Variants in NMT1 observed in about 807,000 individuals in gnomAD.
NMT1 encodes the protein glycylpeptide N-tetradecanoyltransferase 1.
NMT1 carries 12 observed loss-of-function variants against 63.4 expected under a neutral mutation model. That is an observed-to-expected ratio of 0.19 (90% CI 0.12 to 0.31). NMT1 has a LOEUF of 0.31. NMT1 is among the 10% of genes least tolerant of loss of function. The pLI, the probability that NMT1 is intolerant of heterozygous loss-of-function variation, is 1.00. For missense variants in NMT1, 432 were observed against 634.6 expected, an observed-to-expected ratio of 0.68 and a Z score of 3.43; for synonymous variants, 228 against 234.3, an observed-to-expected ratio of 0.97 and a Z score of 0.25.
chr17:45,101,015 A>G (rs1199889952), intron 8 of NMT1, among the ~76,000 whole-genome samples: 1 of 147,700 alleles, frequency 6.8e-6, no homozygotes, highest in African/African-American at 2.5e-5. Context: ...CCCCGTCTCT[A>G]CTAAAAATAC....
intron 1 of NMT1, among the ~76,000 whole-genome samples, chr17:45,077,188 A>G (rs1370637505): frequency 2.6e-5 from 4 of 152,042 alleles, no homozygotes; most frequent in Admixed American, 2.6e-4. Flanking sequence ...TACCTTTTTG[A>G]TTCTTTCTTT....
intron 1 of NMT1, among the ~76,000 whole-genome samples, chr17:45,069,691 C>T (rs1411274274): frequency 6.6e-6 from 1 of 152,142 alleles, no homozygotes; most frequent in Non-Finnish European, 1.5e-5. Context: ...TTTCTTTCCC[C>T]TGCTGAATTG....
chr17:45,099,616 T>G, intron 8 of NMT1, 103 bp downstream of exon 8: 1 of 814,436 alleles, frequency 1.2e-6, no homozygotes, highest in East Asian at 2.5e-5. Context: ...AGCTTTCTCC[T>G]ACTGGAAAAG....
chr17:45,083,367 GA>G (rs2054029624), intron 2 of NMT1, among the ~76,000 whole-genome samples: 1 of 151,554 alleles, frequency 6.6e-6, no homozygotes, highest in African/African-American at 2.4e-5. Context: ...AACAGCCTCT[GA>G]AACAGTTTAT....
At chr17:45,076,536 G>A (rs1041012296) in intron 1 of NMT1, among the ~76,000 whole-genome samples, 3 of 151,578 alleles carry the variant, frequency 2.0e-5, no homozygotes, top group African/African-American at 7.3e-5. Context: ...AATCACCTGA[G>A]GTCAGGAGTT....
chr17:45,095,239 T>C (rs1353374413), intron 4 of NMT1, among the ~76,000 whole-genome samples: 2 of 152,098 alleles, frequency 1.3e-5, no homozygotes, highest in Non-Finnish European at 2.9e-5. Flanking sequence ...CCCCAGTGGC[T>C]GGGATTACAG....
intron 1 of NMT1, among the ~76,000 whole-genome samples, chr17:45,076,087 A>G (rs1246479621): frequency 6.6e-6 from 1 of 152,108 alleles, no homozygotes; most frequent in African/African-American, 2.4e-5. Flanking sequence ...AAAAACATGA[A>G]TCAAGAAACA....
Position 45,106,925 on chromosome 17 carries a change from A to G in NMT1, c.*1286A>G, listed in dbSNP as rs2054205985. 6.6e-6 allele frequency: 1 copy of G among 152,360 alleles called. No individual in the cohort carries two copies. The highest frequency in any genetic ancestry group is 2.4e-5 in the African/African-American group (1 of 41,452). 9.4% of individuals were successfully genotyped at this position (152,360 alleles called of 1,614,324 possible). A position where few individuals can be genotyped will look rare whatever the true frequency, so the allele number is the denominator to read the frequency against. On this transcript the variant is annotated 3_prime_UTR_variant, in exon 12 of 12. Transcript: ENST00000258960. Reference sequence around the variant, plus strand: ...AAAACGTAATCAAGCCTCTGGTCACATGGCTGTCGATGTAGGCATTCTGGA... The same window carrying G: ...AAAACGTAATCAAGCCTCTGGTCACGTGGCTGTCGATGTAGGCATTCTGGA...
chr17:45,062,047 T>C (rs1449753096), intron 1 of NMT1: 1 of 152,282 alleles, frequency 6.6e-6, no homozygotes, highest in Non-Finnish European at 1.5e-5. Context: ...TCCATAAGTA[T>C]CCTGAACGAT....
chr17:45,093,089 C>A (rs193089397), intron 3 of NMT1, among the ~76,000 whole-genome samples: 2 of 152,192 alleles, frequency 1.3e-5, no homozygotes, highest in African/African-American at 4.8e-5. Context: ...GGTGACTTCC[C>A]GGCAGCACTA....
chr17:45,074,033 G>A (rs1200909920), intron 1 of NMT1, among the ~76,000 whole-genome samples: 4 of 152,020 alleles, frequency 2.6e-5, no homozygotes, highest in Admixed American at 2.0e-4. Flanking sequence ...TTCTCCTGCT[G>A]TTCATCTGCC....
chr17:45,085,277 C>T (rs1198625174), intron 2 of NMT1, among the ~76,000 whole-genome samples: 2 of 152,002 alleles, frequency 1.3e-5, no homozygotes, highest in African/African-American at 2.4e-5. Flanking sequence ...TTCACTGCAA[C>T]ATTGTTGTAT....
chr17:45,105,040 G>A lies in NMT1; in HGVS notation c.1470+44G>A. On this transcript the variant is annotated intron_variant, in intron 11 of 11. Coordinates refer to ENST00000258960, the MANE Select transcript of NMT1 (RefSeq NM_021079.5). The surrounding 1 kb of genome is among the most constrained non-coding windows in gnomAD (Gnocchi z 4.2). ...GAGTCCAGGCTGCCCGGCCCAGGGT[G>A]TCCATGTCTCCAGCAGAAACCGGGC... 6.2e-7 allele frequency: 1 copy of A among 1,611,346 alleles called. No homozygotes were observed. The highest frequency in any genetic ancestry group is 8.5e-7 in the Non-Finnish European group (1 of 1,178,512).
chr17:45,080,718 C>G (rs546464841), intron 1 of NMT1, among the ~76,000 whole-genome samples: 42 of 152,108 alleles, frequency 2.8e-4, no homozygotes, highest in African/African-American at 1.0e-3. Context: ...ATCTGCCCGC[C>G]TCGGCCTCCC....
At chr17:45,067,392 C>A (rs765728336) in intron 1 of NMT1, among the ~76,000 whole-genome samples, 1 of 152,206 alleles carries the variant, frequency 6.6e-6, no homozygotes, top group Non-Finnish European at 1.5e-5. Flanking sequence ...AGCCCTCTGA[C>A]AAGAGGTGTC....
chr17:45,089,122 G>GT (rs1298594744), intron 3 of NMT1, among the ~76,000 whole-genome samples: 1 of 152,224 alleles, frequency 6.6e-6, no homozygotes, highest in Non-Finnish European at 1.5e-5. Context: ...CTTGGCAGGC[G>GT]TGTTAGCCTG....
At position 45,108,498 on chromosome 17, in the gene NMT1, G is replaced by C. The variant is rs901871985; in HGVS notation, c.*2859G>C. 1.3e-5 allele frequency: 2 copies of C among 152,662 alleles called. No homozygotes were observed. Among genetic ancestry groups the C allele is most frequent in the African/African-American group, 4.8e-5 (2 of 41,456 alleles). The allele number at this position is 152,662 out of a possible 1,614,324, so 9.5% of individuals were successfully genotyped here. ...CTACTTGCTGGCTCTCAGAAGCCTA[G>C]GGGAGTCCCTGTGGTCCTGAATTCT... On this transcript the variant is annotated 3_prime_UTR_variant, in exon 12 of 12. Coordinates refer to ENST00000258960, the MANE Select transcript of NMT1 (RefSeq NM_021079.5).
intron 3 of NMT1, among the ~76,000 whole-genome samples, chr17:45,088,600 C>A (rs2054068677): frequency 6.6e-6 from 1 of 152,076 alleles, no homozygotes; most frequent in African/African-American, 2.4e-5. Flanking sequence ...ACTAAAAATA[C>A]AAAAACTAGC....
Position 45,102,993 on chromosome 17 carries a change from A to G in NMT1, c.1036A>G (p.Ile346Val). Reference protein sequence around the residue: ...AGLRPMETKDIPVVHQLLTRY... With the variant: ...AGLRPMETKDVPVVHQLLTRY... ...GCTGCGACCAATGGAAACAAAGGAC[A>G]TTCCAGTAGTGCACCAGCTCCTCAC... Residue 346 changes from isoleucine to valine, a missense_variant, in exon 9 of 12, where the codon ATT (isoleucine) becomes GTT (valine). Ile to Val is a conservative substitution (Grantham distance 29). This residue lies in a region of NMT1 where 295 missense variants were observed against 489.7 expected (regional missense o/e 0.60). Transcript: ENST00000258960. 6.2e-7 allele frequency: 1 copy of G among 1,613,834 alleles called. No homozygotes were observed. Among genetic ancestry groups the G allele is most frequent in the Non-Finnish European group, 8.5e-7 (1 of 1,179,746 alleles).
Sources: allele counts gnomAD v4.1 joint callset (sites outside exome capture counted in the v4.1 genomes callset), GRCh38; gene constraint gnomAD v4.1.1; regional missense constraint gnomAD v4.1.1; non-coding constraint Gnocchi (gnomAD v3.1); transcripts MANE v1.5; gene names NCBI Gene and HGNC (gene_info 2026-07-23, HGNC 2026-07-21).